The following CKMT1A variants were observed in gnomAD, a reference collection of about 807,000 sequenced individuals.
CKMT1A encodes creatine kinase U-type, mitochondrial.
In CKMT1A, 23 loss-of-function variants were observed where a neutral mutation model predicts 21.8. That is an observed-to-expected ratio of 1.05 (90% CI 0.76 to 1.49). The LOEUF is 1.49. CKMT1A is among the 40% of genes most tolerant of loss of function. The pLI is 0.00. For synonymous variants in CKMT1A, 67 were observed against 80.4 expected (o/e 0.83, Z 0.89); for missense variants, 154 against 229.4 (o/e 0.67, Z 2.12).
rs763966076 is a variant in CKMT1A at position 43,698,773 on chromosome 15, T to C, written c.1137+7T>C. On this transcript the variant is annotated splice_region_variant and intron_variant, in intron 8 of 8. Transcript: ENST00000413453. Reference sequence around the variant, plus strand: ...CCGACTAGGCAAATCAGAGGTGAGATCCTAAGGGATTAGGATGAGGAGAGG... The same window carrying C: ...CCGACTAGGCAAATCAGAGGTGAGACCCTAAGGGATTAGGATGAGGAGAGG... 1.2e-6 allele frequency: 2 copies of C among 1,613,538 alleles called. No individual in the cohort carries two copies. Among genetic ancestry groups the C allele is most frequent in the Middle Eastern group, 1.7e-4 (1 of 6,060 alleles).
chr15:43,696,517 C>A, intron 6 of CKMT1A, 154 bp downstream of exon 6: 1 of 1,183,480 alleles, frequency 8.4e-7, no homozygotes, highest in Non-Finnish European at 1.2e-6. Flanking sequence ...AGGTATAAAC[C>A]AGCTGGGACC....
chr15:43,697,341 G>A (rs1290066806), intron 6 of CKMT1A: 2 of 1,252,384 alleles, frequency 1.6e-6, no homozygotes, highest in Middle Eastern at 4.5e-4. Flanking sequence ...CTGGTGGCAT[G>A]GTTCCTTCTG....
chr15:43,697,446 T>C, intron 6 of CKMT1A: 1 of 984,458 alleles, frequency 1.0e-6, no homozygotes, highest in Non-Finnish European at 1.2e-6. Flanking sequence ...AATAGTCATC[T>C]TCATGACTAC....
At chr15:43,696,466 T>G in intron 6 of CKMT1A, 103 bp downstream of exon 6, 3 of 1,562,888 alleles carry the variant, frequency 1.9e-6, no homozygotes, top group Non-Finnish European at 2.6e-6. Context: ...AAGACATGTC[T>G]GATGGTAAAA....
At chr15:43,697,869 T>C (rs2086473124) in intron 6 of CKMT1A, 145 bp from the exon 7 acceptor site, 1 of 1,483,162 alleles carries the variant, frequency 6.7e-7, no homozygotes, top group South Asian at 1.5e-5. Flanking sequence ...ACCTTTTTCA[T>C]TTAAAAAAAG....
intron 6 of CKMT1A, chr15:43,697,223 A>G (rs2086459998): frequency 8.1e-7 from 1 of 1,227,048 alleles, no homozygotes; most frequent in African/African-American, 1.6e-5. Flanking sequence ...AGTGAAATAC[A>G]GGTAAAGTAC....
Position 43,698,758 on chromosome 15 carries a change from A to T in CKMT1A, c.1129A>T (p.Lys377Ter), listed in dbSNP as rs1389302622. The change falls in exon 8 of 9, where the codon AAA becomes TAA. Residue 377 changes from lysine to a stop codon, truncating the protein, a stop_gained. Transcript: ENST00000413453. LOFTEE classifies it high-confidence loss of function. ...TATTTCTAATTTGGACCGACTAGGC[A>T]AATCAGAGGTGAGATCCTAAGGGAT... Reference protein sequence around the residue: ...FDISNLDRLGKSEVELVQLVI... With the variant: ...FDISNLDRLG 1.2e-6 allele frequency: 2 copies of T among 1,613,598 alleles called. No homozygotes were observed. The highest frequency in any genetic ancestry group is 1.7e-6 in the Non-Finnish European group (2 of 1,179,870).
intron 7 of CKMT1A, among the ~76,000 whole-genome samples, chr15:43,698,387 C>T (rs2086483457): frequency 6.6e-6 from 1 of 151,180 alleles, no homozygotes; most frequent in Admixed American, 6.6e-5. Context: ...ATCTCTACTA[C>T]AAATACAAAA....
chr15:43,697,761 G>T (rs2955974), intron 6 of CKMT1A: 87 of 984,596 alleles, frequency 8.8e-5, no homozygotes, highest in East Asian at 5.7e-4. Context: ...AATACACCAC[G>T]CCTTCGAGTT....
intron 6 of CKMT1A, chr15:43,697,400 T>C (rs1379488069): frequency 4.3e-5 from 42 of 985,024 alleles, no homozygotes; most frequent in East Asian, 1.1e-4. Flanking sequence ...GTCTTTGTGA[T>C]CATCACTCTG....
chr15:43,696,893 G>C (rs2086455540), intron 6 of CKMT1A: 5 of 296,574 alleles, frequency 1.7e-5, no homozygotes, highest in South Asian at 1.7e-4. Flanking sequence ...TAGAATATGT[G>C]GCTCTAGATG....
rs1347909084 is a variant in CKMT1A at position 43,698,234 on chromosome 15, C to T, written c.1011+86C>T. On this transcript the variant is annotated intron_variant, in intron 7 of 8. Transcript: ENST00000413453. ...AGGGAGTGGACCCTTTGGAGAGGAG[C>T]CAAACATGTTGTGGCTAAAGGGTCA... is the stretch of plus-strand genomic sequence containing the variant. 3 of 1,596,654 alleles carry T rather than the reference C, an allele frequency of 1.9e-6. No individual in the cohort carries two copies. In the African/African-American group the frequency reaches 4.0e-5, roughly 21 times the overall value.
intron 6 of CKMT1A, chr15:43,697,325 A>T (rs2086462074): frequency 1.6e-6 from 2 of 1,269,842 alleles, no homozygotes; most frequent in Non-Finnish European, 2.1e-6. Context: ...AGCACATAAG[A>T]TATCCCTGGT....
In CKMT1A at chr15:43,695,778, T is replaced by A. The variant is rs1269724706; in HGVS notation, c.535T>A (p.Cys179Ser). 1.6e-5 allele frequency: 2 copies of A among 125,886 alleles called. No homozygotes were observed. Among genetic ancestry groups the A allele is most frequent in the South Asian group, 1.1e-4 (2 of 18,104 alleles). The allele number at this position is 125,886 out of a possible 1,614,324, so 7.8% of individuals were successfully genotyped here. ...SIRGLSLPPACTRAERREVER... is the reference protein window; with the variant it reads ...SIRGLSLPPASTRAERREVER... ...CCGAGGACTCAGTCTGCCTCCAGCT[T>A]GCACTCGAGCAGAGCGACGAGAGGT... is the stretch of plus-strand genomic sequence containing the variant. The change falls in exon 4 of 9, where the codon TGC becomes AGC. Residue 179 changes from cysteine to serine, a missense_variant. By Grantham distance (112) the Cys-to-Ser change is moderately radical. Transcript: ENST00000413453.
At chr15:43,695,400 A>T (rs143868168) in intron 3 of CKMT1A, 99 bp downstream of exon 3, 3 of 992 alleles carry the variant, frequency 3.0e-3, no homozygotes, top group Admixed American at 8.1e-3. Flanking sequence ...GTCATTATAC[A>T]GCTGAGCTTT....
intron 6 of CKMT1A, chr15:43,697,163 T>C (rs1294906806): frequency 3.6e-6 from 4 of 1,119,954 alleles, no homozygotes; most frequent in South Asian, 2.9e-5. Flanking sequence ...TCCTCATCTG[T>C]AAAATTGGGA....
Position 43,699,209 on chromosome 15 carries a change from C to A in CKMT1A, c.*120C>A. On this transcript the variant is annotated 3_prime_UTR_variant, in exon 9 of 9. Coordinates refer to ENST00000413453, the MANE Select transcript of CKMT1A (RefSeq NM_001321926.2). The stretch of plus-strand genomic sequence containing the variant: ...CCTGCCTCCATCCTAGTAAAGACTC[C>A]TTGCTATGCTGCAGCTGTCTGTGTT... 6.8e-7 allele frequency: 1 copy of A among 1,474,530 alleles called. No homozygotes were observed. Among genetic ancestry groups the A allele is most frequent in the Non-Finnish European group, 9.3e-7 (1 of 1,073,518 alleles). The allele number at this position is 1,474,530 out of a possible 1,614,324, so 91.3% of individuals were successfully genotyped here.
intron 7 of CKMT1A, among the ~76,000 whole-genome samples, 176 bp downstream of exon 7, chr15:43,698,324 G>A (rs1184179848): frequency 6.6e-6 from 1 of 151,876 alleles, no homozygotes. Flanking sequence ...AAGGCAGGCA[G>A]ATCATTTGAG....
rs532943608 is a variant in CKMT1A, at chr15:43,699,220, G to A, written c.*131G>A. Reference sequence around the variant, plus strand: ...CCTAGTAAAGACTCCTTGCTATGCTGCAGCTGTCTGTGTTACTTCTAATGG... The same window carrying A: ...CCTAGTAAAGACTCCTTGCTATGCTACAGCTGTCTGTGTTACTTCTAATGG... On this transcript the variant is annotated 3_prime_UTR_variant, in exon 9 of 9. Transcript: ENST00000413453. 210 of 1,353,042 alleles carry A rather than the reference G, an allele frequency of 1.6e-4. 3 individuals are homozygous for A. The African/African-American group carries it at 2.8e-3, about 18-fold the overall frequency. The allele number at this position is 1,353,042 out of a possible 1,614,324, so 83.8% of individuals were successfully genotyped here.
Sources: gnomAD v4.1 joint callset for allele counts (sites outside exome capture counted in the v4.1 genomes callset) on GRCh38, gnomAD v4.1.1 for gene constraint, MANE v1.5 for transcripts, NCBI Gene and HGNC (gene_info 2026-07-23, HGNC 2026-07-21) for gene names.